HTT: variants seen among roughly 807,000 people sequenced by gnomAD.
The protein encoded by HTT is huntington disease protein.
In HTT, 104 loss-of-function variants were observed where a neutral mutation model predicts 362.3. The ratio of observed to expected loss-of-function variants is 0.29; its 90% CI spans 0.24 to 0.34. HTT has a LOEUF of 0.34. HTT is among the 10% of genes least tolerant of loss of function. The pLI is 1.00. For synonymous variants in HTT, 1,577 were observed against 1,548.7 expected, an observed-to-expected ratio of 1.02 and a Z score of -0.43; for missense variants, 3,301 against 3,928.6, an observed-to-expected ratio of 0.84 and a Z score of 4.27.
At chr4:3,107,171 C>T (rs372173580) in intron 5 of HTT, 114 bp from the exon 6 acceptor site, 6 of 1,032,230 alleles carry the variant, frequency 5.8e-6, no homozygotes, top group African/African-American at 1.6e-5. Flanking sequence ...TTTTCCCCAT[C>T]CCATTAGGGA....
intron 34 of HTT, among the ~76,000 whole-genome samples, chr4:3,178,057 G>T (rs1036584498): frequency 1.3e-5 from 2 of 152,186 alleles, no homozygotes; most frequent in African/African-American, 4.8e-5. Context: ...TAGCTGCTGT[G>T]CCCCTGTGCC....
chr4:3,222,061 C>T (rs1172395724), intron 53 of HTT, among the ~76,000 whole-genome samples: 3 of 152,234 alleles, frequency 2.0e-5, no homozygotes, highest in East Asian at 1.9e-4. Flanking sequence ...TGGCCCTGCA[C>T]GAGGTTGCCT....
At chr4:3,145,086 C>T (rs1716534600) in intron 23 of HTT, 66 bp from the exon 24 acceptor site, 2 of 1,131,758 alleles carry the variant, frequency 1.8e-6, no homozygotes, top group Admixed American at 1.7e-5. Context: ...TAAAGGGTAA[C>T]AGGAGATATA....
intron 1 of HTT, among the ~76,000 whole-genome samples, chr4:3,077,145 TCCA>T (rs1712599232): frequency 6.6e-6 from 1 of 152,126 alleles, no homozygotes; most frequent in Non-Finnish European, 1.5e-5. Flanking sequence ...GCCACTGCAC[TCCA>T]GCCTGGGTGA....
Position 3,075,039 on chromosome 4 carries a change from C to A in HTT, c.214C>A (p.Pro72Thr), listed in dbSNP as rs1231836584. ...LPQPQPPPPP[P>T]PPPPGPAVAE... ...TCAGCCGCAGCCGCCCCCGCCGCCGCCCCCGCCGCCACCCGGCCCGGCTGT... is the reference window on the plus strand; with the variant it reads ...TCAGCCGCAGCCGCCCCCGCCGCCGACCCCGCCGCCACCCGGCCCGGCTGT... The change falls in exon 1 of 67, where the codon CCC becomes ACC. Residue 72 changes from proline to threonine, a missense_variant. Pro to Thr is a conservative substitution (Grantham distance 38). Transcript: ENST00000355072. 1.6e-6 allele frequency: 2 copies of A among 1,249,182 alleles called. No homozygotes were observed. The highest frequency in any genetic ancestry group is 2.0e-6 in the Non-Finnish European group (2 of 1,003,372). The allele number at this position is 1,249,182 out of a possible 1,614,324, so 77.4% of individuals were successfully genotyped here.
At chr4:3,222,352 G>T in intron 53 of HTT, 35 bp from the exon 54 acceptor site, 5 of 1,571,464 alleles carry the variant, frequency 3.2e-6, no homozygotes, top group Non-Finnish European at 3.5e-6. Context: ...CTTGAGAAGG[G>T]TTGACACTCT....
At chr4:3,079,002 C>T (rs146168738) in intron 1 of HTT, among the ~76,000 whole-genome samples, 5,553 of 152,134 alleles carry the variant, frequency 0.037, 314 homozygotes, top group African/African-American at 0.12. Flanking sequence ...CCGCCCACCT[C>T]GGCCTCCCAA....
chr4:3,170,441 G>C (rs1464991310), intron 29 of HTT, among the ~76,000 whole-genome samples: 5 of 152,166 alleles, frequency 3.3e-5, no homozygotes, highest in African/African-American at 7.2e-5. Context: ...TTCTAGCCCT[G>C]TGTGAGCGCT....
intron 2 of HTT, among the ~76,000 whole-genome samples, chr4:3,089,078 G>A (rs1017454164): frequency 2.6e-5 from 4 of 152,176 alleles, no homozygotes; most frequent in African/African-American, 9.7e-5. Flanking sequence ...AAGCTGTAAC[G>A]TGTTTGAGCC....
At chr4:3,149,423 G>A (rs1345653746) in intron 26 of HTT, among the ~76,000 whole-genome samples, 2 of 150,920 alleles carry the variant, frequency 1.3e-5, no homozygotes, top group East Asian at 1.9e-4. Context: ...TCAGCCTCTC[G>A]AGGCAGATTA....
intron 2 of HTT, among the ~76,000 whole-genome samples, chr4:3,097,493 G>T (rs1448778998): frequency 6.6e-6 from 1 of 152,114 alleles, no homozygotes; most frequent in South Asian, 2.1e-4. Context: ...TTAGTTGGTC[G>T]TGGTGCTGTG....
intron 3 of HTT, among the ~76,000 whole-genome samples, chr4:3,102,765 A>G (rs1398623401): frequency 6.6e-6 from 1 of 152,250 alleles, no homozygotes; most frequent in African/African-American, 2.4e-5. Flanking sequence ...GTGGGGCACC[A>G]AAGTCTTCCC....
At chr4:3,169,091 T>C (rs1241315018) in intron 29 of HTT, among the ~76,000 whole-genome samples, 1 of 151,648 alleles carries the variant, frequency 6.6e-6, no homozygotes, top group Non-Finnish European at 1.5e-5. Flanking sequence ...CTATCTTGGC[T>C]CACTGCAAGC....
intron 33 of HTT, among the ~76,000 whole-genome samples, chr4:3,175,599 T>C (rs151019075): frequency 6.6e-6 from 1 of 152,340 alleles, no homozygotes; most frequent in East Asian, 1.9e-4. Context: ...CTGGAGTCCA[T>C]GTGGGAGCTG....
At chr4:3,205,079 GA>G (rs927071318) in intron 42 of HTT, among the ~76,000 whole-genome samples, 42 of 150,416 alleles carry the variant, frequency 2.8e-4, no homozygotes, top group African/African-American at 9.3e-4. Flanking sequence ...TCTCTTTAAA[GA>G]AAAAAAAATA....
chr4:3,098,446 C>G (rs1353290858), intron 2 of HTT, among the ~76,000 whole-genome samples: 1 of 152,126 alleles, frequency 6.6e-6, no homozygotes, highest in Admixed American at 6.5e-5. Context: ...TAGCACATCC[C>G]CCGTATTACT....
At chr4:3,212,185 A>T (rs1483871262) in intron 48 of HTT, 43 bp downstream of exon 48, 3 of 1,443,606 alleles carry the variant, frequency 2.1e-6, no homozygotes, top group Admixed American at 3.7e-5. Context: ...AAAGCATTCC[A>T]GGGCCAGTAT....
chr4:3,156,532 T>C (rs1717157880), intron 27 of HTT, among the ~76,000 whole-genome samples: 1 of 152,264 alleles, frequency 6.6e-6, no homozygotes, highest in Non-Finnish European at 1.5e-5. Flanking sequence ...TATATTACTA[T>C]CATCTTTCTG....
Position 3,222,501 on chromosome 4 carries a change from C to T in HTT, c.7470+14C>T. 5 of 1,605,156 alleles carry T rather than the reference C, an allele frequency of 3.1e-6. No homozygotes were observed. Among genetic ancestry groups the T allele is most frequent in the Non-Finnish European group, 4.3e-6 (5 of 1,172,246 alleles). ...AGCCCACCAGAAGTAAGGCCACACC[C>T]TGTGCTGGTTGGCACATGGGCAGTT... On this transcript the variant is annotated intron_variant, in intron 54 of 66. Coordinates refer to ENST00000355072, the MANE Select transcript of HTT (RefSeq NM_001388492.1).
Sources: gnomAD v4.1 joint callset for allele counts (sites outside exome capture counted in the v4.1 genomes callset) on GRCh38, gnomAD v4.1.1 for gene constraint, MANE v1.5 for transcripts, NCBI Gene and HGNC (gene_info 2026-07-23, HGNC 2026-07-21) for gene names.